The following CHST15 variants were observed in gnomAD, a reference collection of about 807,000 sequenced individuals.
The protein encoded by CHST15 is carbohydrate sulfotransferase 15.
In CHST15, 30 loss-of-function variants were observed where a neutral mutation model predicts 53.6. That is an observed-to-expected ratio of 0.56 (90% CI 0.42 to 0.76). The LOEUF (loss-of-function observed/expected upper bound fraction) is 0.76. Among genes scored for constraint, CHST15 ranks in the 30% least tolerant of loss-of-function variants. The probability of loss-of-function intolerance (pLI) is 0.00; values close to 1 mark genes in which losing one functional copy is unlikely to be tolerated. For synonymous variants in CHST15, 296 were observed against 289.8 expected (o/e 1.02, Z -0.22); for missense variants, 627 against 740.5 (o/e 0.85, Z 1.78).
At position 124,009,819 on chromosome 10, in the gene CHST15, C is replaced by A. The variant is rs1946362141; in HGVS notation, c.*330G>T. 1.8e-6 allele frequency: 2 copies of A among 1,096,248 alleles called. No individual in the cohort carries two copies. The highest frequency in any genetic ancestry group is 2.7e-5 in the South Asian group (1 of 37,080). 67.9% of individuals were successfully genotyped at this position (1,096,248 alleles called of 1,614,324 possible). A position where few individuals can be genotyped will look rare whatever the true frequency, so the allele number is the denominator to read the frequency against. On this transcript the variant is annotated 3_prime_UTR_variant, in exon 8 of 8. Coordinates refer to ENST00000435907, the MANE Select transcript of CHST15 (RefSeq NM_001270764.2). ...CTCCAGAAGGCGGAGGCGGGCAGGG[C>A]CAGGCTGCCTTCCCTAGGTGTTCTC...
In CHST15 at chr10:124,074,937, G is replaced by T. The variant is rs1372381815; in HGVS notation, c.-513+18532C>A. 6.6e-6 allele frequency among the ~76,000 whole-genome samples: 1 copy of T among 152,202 alleles called. No homozygotes were observed. Among genetic ancestry groups the T allele is most frequent in the African/African-American group, 2.4e-5 (1 of 41,446 alleles). ...GGCTCCCAGCCCCCGCGGAGTTAAT[G>T]ATGTTTTGCAGGGAGGACTGTTTCA... is the stretch of plus-strand genomic sequence containing the variant. On this transcript the variant is annotated intron_variant, in intron 1 of 7. Transcript: ENST00000435907. This position sits in a 1 kb window ranked among gnomAD's most constrained non-coding sequence, Gnocchi z 4.4.
At chr10:124,062,410 C>T (rs1318322176) in intron 1 of CHST15, among the ~76,000 whole-genome samples, 1 of 152,190 alleles carries the variant, frequency 6.6e-6, no homozygotes, top group Non-Finnish European at 1.5e-5. Context: ...CCACACGTGC[C>T]ATCTGGTTTG....
At chr10:124,029,534 T>C (rs1947140055) in intron 5 of CHST15, among the ~76,000 whole-genome samples, 1 of 152,164 alleles carries the variant, frequency 6.6e-6, no homozygotes, top group South Asian at 2.1e-4. Context: ...CCGGTAACTG[T>C]TCACAGACTG....
intron 4 of CHST15, 82 bp downstream of exon 4, chr10:124,042,219 A>G: frequency 7.0e-7 from 1 of 1,424,846 alleles, no homozygotes. Flanking sequence ...CTGGAGGTGA[A>G]GCAGAGCTGG....
intron 1 of CHST15, among the ~76,000 whole-genome samples, chr10:124,089,629 G>A (rs957510260): frequency 5.9e-5 from 9 of 152,220 alleles, no homozygotes; most frequent in African/African-American, 2.2e-4. Flanking sequence ...TTCAGGGGGT[G>A]GGTGCCTCCC....
intron 5 of CHST15, 35 bp downstream of exon 5, chr10:124,038,478 CTT>C: frequency 6.2e-7 from 1 of 1,603,032 alleles, no homozygotes; most frequent in Non-Finnish European, 8.5e-7. Context: ...AAAAGTTCCT[CTT>C]CTCACCCCAA....
chr10:124,079,762 G>T (rs1023790928), intron 1 of CHST15, among the ~76,000 whole-genome samples: 5 of 152,224 alleles, frequency 3.3e-5, no homozygotes, highest in Non-Finnish European at 7.3e-5. Context: ...CAAGGGCCAG[G>T]TCTCTGTCAC....
intron 6 of CHST15, chr10:124,020,621 C>T (rs1340717663): frequency 3.0e-6 from 3 of 987,496 alleles, no homozygotes; most frequent in East Asian, 1.1e-4. Context: ...CTCTGGAACA[C>T]GCAGCGGCAA....
chr10:124,059,471 G>A (rs888463296), intron 1 of CHST15, among the ~76,000 whole-genome samples: 1 of 152,166 alleles, frequency 6.6e-6, no homozygotes, highest in African/African-American at 2.4e-5. Flanking sequence ...TACAGATTAA[G>A]GACAGAAGGA....
At chr10:124,038,453 G>A (rs770433611) in intron 5 of CHST15, 62 bp downstream of exon 5, 66 of 1,566,522 alleles carry the variant, frequency 4.2e-5, no homozygotes, top group Middle Eastern at 3.4e-4. Flanking sequence ...TCATGAGAGG[G>A]GAACACTGTT....
rs560013279 is a variant in CHST15 at position 124,074,648 on chromosome 10, C to T, written c.-513+18821G>A. ...TGACCTGGAGCTCTCCAATGCACCC[C>T]GCGCCTCTGCCAGACTGGGCTCACG... On this transcript the variant is annotated intron_variant, in intron 1 of 7. Transcript: ENST00000435907. The surrounding 1 kb of genome is among the most constrained non-coding windows in gnomAD (Gnocchi z 4.4). Among the ~76,000 whole-genome samples the T allele has an allele frequency of 6.6e-5, 10 of 152,310 alleles. No homozygotes were observed. In the South Asian group the frequency reaches 8.3e-4, roughly 13 times the overall value.
Position 124,045,797 on chromosome 10 carries a change from G to A in CHST15, c.416C>T (p.Ser139Phe). 1 of 1,614,118 alleles carries A rather than the reference G, an allele frequency of 6.2e-7. No homozygotes were observed. The highest frequency in any genetic ancestry group is 8.5e-7 in the Non-Finnish European group (1 of 1,180,036). Residue 139 changes from serine (S) to phenylalanine (F), a missense_variant, in exon 2 of 8, where the codon TCT (serine) becomes TTT (phenylalanine). Ser to Phe is a radical substitution (Grantham distance 155, BLOSUM62 -2). This residue lies in a region of CHST15 where 187 missense variants were observed against 251.8 expected (regional missense o/e 0.74). Transcript: ENST00000435907. ...CTTCATGTATGAAATATTATTTACA[G>A]AGGATTGGTGGTGATGCTCCTTTGT... ...SDTKEHHHQS[S>F]VNNISYMKDY... is the part of the protein sequence containing the mutation.
intron 1 of CHST15, among the ~76,000 whole-genome samples, chr10:124,050,768 G>C (rs1034627702): frequency 3.9e-5 from 6 of 152,148 alleles, no homozygotes; most frequent in African/African-American, 1.4e-4. Flanking sequence ...GCCCCGTAGA[G>C]AGACGCTGTG....
intron 1 of CHST15, among the ~76,000 whole-genome samples, chr10:124,089,108 G>T (rs776795418): frequency 1.4e-4 from 21 of 152,204 alleles, no homozygotes; most frequent in Non-Finnish European, 2.9e-4. Context: ...CTCATTCACA[G>T]CACTGGAACA....
At chr10:124,073,371 G>A (rs1948979595) in intron 1 of CHST15, among the ~76,000 whole-genome samples, 1 of 152,190 alleles carries the variant, frequency 6.6e-6, no homozygotes, top group Non-Finnish European at 1.5e-5. Flanking sequence ...CAAAAACCCA[G>A]GCCGCGGAAG....
rs1378799102 is a variant in CHST15 at position 124,025,534 on chromosome 10, AGACATCTGAACAGG to A, written c.1191-4136_1191-4123del. 5.9e-5 allele frequency among the ~76,000 whole-genome samples: 9 copies of A among 152,328 alleles called. No homozygotes were observed. In the East Asian group the frequency reaches 1.7e-3, roughly 29 times the overall value. ...GGTCCCTGGCATCCTGCTGTGTCAC[AGACATCTGAACAGG>A]GACTAGATTCACCACAAGCCATGGC... is the stretch of plus-strand genomic sequence containing the variant. On this transcript the variant is annotated intron_variant, in intron 5 of 7. Transcript: ENST00000435907.
In CHST15 at chr10:124,011,451, G is replaced by A. The variant is rs145491047; in HGVS notation, c.1495+882C>T. The A allele has an allele frequency of 1.1e-3, 1,079 of 985,472 alleles. 13 individuals are homozygous for A. The African/African-American group carries it at 0.017, about 16-fold the overall frequency. 61.0% of individuals were successfully genotyped at this position (985,472 alleles called of 1,614,324 possible). A position where few individuals can be genotyped will look rare whatever the true frequency, so the allele number is the denominator to read the frequency against. ...GGAGAAACAAAATCAAATGATCAAA[G>A]AGGCCCAAGTCCCAGTGGCAGGCAG... On this transcript the variant is annotated intron_variant, in intron 7 of 7. Coordinates refer to ENST00000435907, the MANE Select transcript of CHST15 (RefSeq NM_001270764.2).
Position 124,020,805 on chromosome 10 carries a change from G to A in CHST15, c.1347+451C>T, listed in dbSNP as rs902191356. The A allele has an allele frequency of 3.5e-6, 4 of 1,154,726 alleles. No individual in the cohort carries two copies. In the East Asian group the frequency reaches 1.8e-4, roughly 51 times the overall value. 71.5% of individuals were successfully genotyped at this position (1,154,726 alleles called of 1,614,324 possible). A position where few individuals can be genotyped will look rare whatever the true frequency, so the allele number is the denominator to read the frequency against. ...AGGAAGAACAAGAGATACGATTGAGGAATCAACAGAAAATGTTTTTCAATT... is the reference window on the plus strand; with the variant it reads ...AGGAAGAACAAGAGATACGATTGAGAAATCAACAGAAAATGTTTTTCAATT... On this transcript the variant is annotated intron_variant, in intron 6 of 7. Coordinates refer to ENST00000435907, the MANE Select transcript of CHST15 (RefSeq NM_001270764.2).
At chr10:124,056,666 C>A (rs1948391661) in intron 1 of CHST15, among the ~76,000 whole-genome samples, 1 of 152,238 alleles carries the variant, frequency 6.6e-6, no homozygotes, top group Admixed American at 6.5e-5. Context: ...TGGCCCCATG[C>A]ACAGGAGGCA....
Sources: allele counts gnomAD v4.1 joint callset (sites outside exome capture counted in the v4.1 genomes callset), GRCh38; gene constraint gnomAD v4.1.1; regional missense constraint gnomAD v4.1.1; non-coding constraint Gnocchi (gnomAD v3.1); transcripts MANE v1.5; gene names NCBI Gene and HGNC (gene_info 2026-07-23, HGNC 2026-07-21).